PLEK2: variants seen among roughly 807,000 people sequenced by gnomAD.
PLEK2 encodes pleckstrin 2, also known as pleckstrin-2.
In PLEK2, 29 loss-of-function variants were observed where a neutral mutation model predicts 43.8. That is an observed-to-expected ratio of 0.66 (90% confidence interval 0.49 to 0.90). The LOEUF (loss-of-function observed/expected upper bound fraction) is 0.90. Ranked by LOEUF, PLEK2 falls within the 40% of genes least tolerant of loss-of-function variation. The pLI is 0.00. For missense variants in PLEK2, 398 were observed against 448.1 expected, an observed-to-expected ratio of 0.89 and a Z score of 1.01; for synonymous variants, 162 against 173.2, an observed-to-expected ratio of 0.94 and a Z score of 0.51.
chr14:67,404,110 T>C (rs1187630879), intron 1 of PLEK2, among the ~76,000 whole-genome samples: 1 of 152,140 alleles, frequency 6.6e-6, no homozygotes, highest in Non-Finnish European at 1.5e-5. Context: ...TTGACACTTA[T>C]AGGAACACTG....
chr14:67,400,518 C>T (rs10400732), intron 1 of PLEK2, among the ~76,000 whole-genome samples: 3,198 of 152,280 alleles, frequency 0.021, 48 homozygotes, highest in East Asian at 0.047. Context: ...GACCACCCCC[C>T]GCCCCAACTG....
At chr14:67,407,243 T>C (rs2086084657) in intron 1 of PLEK2, among the ~76,000 whole-genome samples, 1 of 152,024 alleles carries the variant, frequency 6.6e-6, no homozygotes, top group South Asian at 2.1e-4. Context: ...TGCCTCAGCC[T>C]CCCGAGTAGC....
chr14:67,390,428 C>A (rs1005693223), intron 7 of PLEK2, among the ~76,000 whole-genome samples: 1 of 152,112 alleles, frequency 6.6e-6, no homozygotes, highest in Non-Finnish European at 1.5e-5. Context: ...GATAAAGATG[C>A]CCTCCCATGG....
chr14:67,405,492 A>G (rs1389061092), intron 1 of PLEK2, among the ~76,000 whole-genome samples: 1 of 152,172 alleles, frequency 6.6e-6, no homozygotes, highest in Middle Eastern at 3.2e-3. Context: ...TACCCCACCC[A>G]GTATGAAAAG....
chr14:67,391,264 A>C (rs1356157473), intron 6 of PLEK2, among the ~76,000 whole-genome samples: 1 of 135,128 alleles, frequency 7.4e-6, no homozygotes, highest in East Asian at 2.2e-4. Context: ...ATGTGTAAGC[A>C]GCTGATATGT....
chr14:67,401,802 A>C (rs2086050148), intron 1 of PLEK2, among the ~76,000 whole-genome samples: 1 of 152,144 alleles, frequency 6.6e-6, no homozygotes, highest in South Asian at 2.1e-4. Context: ...TAAGAGGAGA[A>C]AAATGCAACC....
rs2085934540 is a variant in PLEK2, at chr14:67,387,436, C to T, written c.955G>A (p.Gly319Arg). 1 of 1,607,598 alleles carries T rather than the reference C, an allele frequency of 6.2e-7. No individual in the cohort carries two copies. Among genetic ancestry groups the T allele is most frequent in the Non-Finnish European group, 8.5e-7 (1 of 1,177,550 alleles). ...TTAGTAATCACTTTGAAGAGGTTTCCCTGGACATTCCCTTTAACCCCTAGG... is the reference window on the plus strand; with the variant it reads ...TTAGTAATCACTTTGAAGAGGTTTCTCTGGACATTCCCTTTAACCCCTAGG... ...VPTGVKGNVQ[G>R]NLFKVITKDD... Residue 319 changes from glycine (G) to arginine (R), a missense_variant, in exon 9 of 9, where the codon GGA becomes AGA. Coordinates refer to ENST00000216446, the MANE Select transcript of PLEK2 (RefSeq NM_016445.3).
At chr14:67,394,919 T>G (rs1312965728) in intron 3 of PLEK2, among the ~76,000 whole-genome samples, 1 of 152,130 alleles carries the variant, frequency 6.6e-6, no homozygotes, top group Non-Finnish European at 1.5e-5. Flanking sequence ...TGTGATGCCC[T>G]GCACTGCCTC....
chr14:67,392,335 C>G lies in PLEK2; in HGVS notation c.762G>C (p.Leu254=), dbSNP rs751794322. 4 of 1,603,860 alleles carry G rather than the reference C, an allele frequency of 2.5e-6. No individual in the cohort carries two copies. The highest frequency in any genetic ancestry group is 3.4e-6 in the Non-Finnish European group (4 of 1,170,580). The part of the protein sequence containing the change: ...LSGTVVKQGY[L]AKQGHKRKNW... ...CTCATAGCAGCCATACCTGCTTGGC[C>G]AGGTAGCCTTGTTTCACCACCGTGC... The change falls in exon 6 of 9, where the codon CTG becomes CTC. Residue 254 remains leucine (L), a synonymous_variant. Transcript: ENST00000216446.
At chr14:67,409,189 G>A (rs2086100676) in intron 1 of PLEK2, among the ~76,000 whole-genome samples, 1 of 152,130 alleles carries the variant, frequency 6.6e-6, no homozygotes, top group Non-Finnish European at 1.5e-5. Flanking sequence ...GCTGCAGTGA[G>A]CCTTGCTGAT....
In PLEK2 at chr14:67,397,680, C is replaced by G; in HGVS notation, c.189G>C (p.Leu63=). ...CACTTACCGGTCGGTTTTCATACTC[C>G]AGGCAGGGGCAGGTGATGGTGCAGC... The part of the protein sequence containing the change: ...LDGCTITCPC[L]EYENRPLLIK... Residue 63 remains leucine (L), a synonymous_variant, in exon 2 of 9, where the codon CTG becomes CTC. Transcript: ENST00000216446. The G allele has an allele frequency of 6.2e-7, 1 of 1,612,046 alleles. No individual in the cohort carries two copies. Among genetic ancestry groups the G allele is most frequent in the Non-Finnish European group, 8.5e-7 (1 of 1,179,072 alleles).
chr14:67,410,745 C>G (rs2086110557), intron 1 of PLEK2, among the ~76,000 whole-genome samples: 1 of 152,180 alleles, frequency 6.6e-6, no homozygotes, highest in African/African-American at 2.4e-5. Context: ...TCTTCATTCC[C>G]CTCCCAAAGC....
chr14:67,408,359 A>T lies in PLEK2; in HGVS notation c.42+3659T>A, dbSNP rs186854266. On this transcript the variant is annotated intron_variant, in intron 1 of 8. Transcript: ENST00000216446. ...TAAAATAAAATAAAATAAAATAAAA[A>T]AAGAAAAAACAAAGATGGGATGATA... Among the ~76,000 whole-genome samples, 177 of 133,996 alleles carry T rather than the reference A, an allele frequency of 1.3e-3. 3 individuals are homozygous for T. Among genetic ancestry groups the T allele is most frequent in the African/African-American group, 5.1e-3 (170 of 33,640 alleles). 87.9% of individuals were successfully genotyped at this position (133,996 alleles called of 152,430 possible). A position where few individuals can be genotyped will look rare whatever the true frequency, so the allele number is the denominator to read the frequency against.
At chr14:67,401,839 T>C (rs2086050368) in intron 1 of PLEK2, among the ~76,000 whole-genome samples, 1 of 151,900 alleles carries the variant, frequency 6.6e-6, no homozygotes, top group Non-Finnish European at 1.5e-5. Flanking sequence ...AAAATACAAA[T>C]ACAGGCCGGC....
Position 67,392,351 on chromosome 14 carries a change from A to G in PLEK2, c.746T>C (p.Val249Ala). Residue 249 changes from valine to alanine, a missense_variant, in exon 6 of 9, where the codon GTG (valine) becomes GCG (alanine). Val to Ala is a moderately conservative substitution (Grantham distance 64). Coordinates refer to ENST00000216446, the MANE Select transcript of PLEK2 (RefSeq NM_016445.3). ...CTGCTTGGCCAGGTAGCCTTGTTTC[A>G]CCACCGTGCCACTTAACTCCACAGT... The part of the protein sequence containing the change: ...LSTVELSGTV[V>A]KQGYLAKQGH... 6.2e-7 allele frequency: 1 copy of G among 1,612,308 alleles called. No homozygotes were observed. The highest frequency in any genetic ancestry group is 8.5e-7 in the Non-Finnish European group (1 of 1,178,598).
chr14:67,406,545 A>AG (rs1482802464), intron 1 of PLEK2, among the ~76,000 whole-genome samples: 3 of 152,148 alleles, frequency 2.0e-5, no homozygotes, highest in Non-Finnish European at 4.4e-5. Context: ...CAAGGTGGCA[A>AG]GGGCTTCAGG....
At position 67,392,424 on chromosome 14, in the gene PLEK2, C is replaced by T; in HGVS notation, c.673G>A (p.Glu225Lys). The T allele has an allele frequency of 6.2e-7, 1 of 1,610,722 alleles. No homozygotes were observed. Among genetic ancestry groups the T allele is most frequent in the Non-Finnish European group, 8.5e-7 (1 of 1,176,932 alleles). Residue 225 changes from glutamate to lysine, a missense_variant, in exon 6 of 9, where the codon GAG becomes AAG. Physicochemically the swap from Glu to Lys is moderately conservative, Grantham distance 56. Transcript: ENST00000216446. The stretch of plus-strand genomic sequence containing the variant: ...GGGCTTATCTTCTTTTTGTAGCTCT[C>T]AGCCTAGGGGGAAGGAGGGAGCAAG... ...DDSTALYTFA[E>K]SYKKKISPKE...
Position 67,395,490 on chromosome 14 carries a change from C to A in PLEK2, c.301G>T (p.Gly101Trp), listed in dbSNP as rs373046007. 1.2e-6 allele frequency: 2 copies of A among 1,614,034 alleles called. No individual in the cohort carries two copies. Among genetic ancestry groups the A allele is most frequent in the African/African-American group, 1.3e-5 (1 of 75,030 alleles). The part of the protein sequence containing the change: ...ERDAWAFEIT[G>W]AIHAGQPGKV... The stretch of plus-strand genomic sequence containing the variant: ...CCCGGCTGCCCTGCATGAATAGCCC[C>A]GGTGATCTCAAAGGCCCAGGCATCC... Residue 101 changes from glycine to tryptophan, a missense_variant, in exon 3 of 9, where the codon GGG becomes TGG. Transcript: ENST00000216446.
chr14:67,406,169 G>A (rs990493683), intron 1 of PLEK2, among the ~76,000 whole-genome samples: 2 of 150,088 alleles, frequency 1.3e-5, no homozygotes, highest in Non-Finnish European at 2.9e-5. Context: ...TGAGACACAA[G>A]AATCACTTGA....
Sources: gnomAD v4.1 joint callset for allele counts (sites outside exome capture counted in the v4.1 genomes callset) on GRCh38, gnomAD v4.1.1 for gene constraint, MANE v1.5 for transcripts, NCBI Gene and HGNC (gene_info 2026-07-23, HGNC 2026-07-21) for gene names.